Variants in MYT1L observed in about 807,000 individuals in gnomAD.
The protein encoded by MYT1L is myelin transcription factor 1 like, also known as myelin transcription factor 1-like protein.
A neutral mutation model predicts 126.7 loss-of-function variants in MYT1L; 12 were observed. The ratio of observed to expected loss-of-function variants is 0.09; its 90% CI spans 0.06 to 0.15. MYT1L has a LOEUF of 0.15. Ranked by LOEUF, MYT1L falls within the 10% of genes least tolerant of loss-of-function variation. MYT1L has a pLI of 1.00. For synonymous variants in MYT1L, 541 were observed against 604.2 expected (o/e 0.90, Z 1.53); for missense variants, 979 against 1,585.2 (o/e 0.62, Z 6.49).
chr2:1,806,830 C>T lies in MYT1L; in HGVS notation c.3172+2246G>A, dbSNP rs927650670. Among the ~76,000 whole-genome samples, 1 of 152,204 alleles carries T rather than the reference C, an allele frequency of 6.6e-6. No homozygotes were observed. Among genetic ancestry groups the T allele is most frequent in the Non-Finnish European group, 1.5e-5 (1 of 68,032 alleles). On this transcript the variant is annotated intron_variant, in intron 22 of 24. Coordinates refer to ENST00000647738, the MANE Select transcript of MYT1L (RefSeq NM_001303052.2). This position sits in a 1 kb window ranked among gnomAD's most constrained non-coding sequence, Gnocchi z 4.9. ...TTCCTTCATTAATGGGGAACAAAGG[C>T]ACGTGGACTCGGATCAATTGTCTAA...
chr2:2,170,214 C>G (rs2089823703), intron 3 of MYT1L, among the ~76,000 whole-genome samples: 1 of 152,208 alleles, frequency 6.6e-6, no homozygotes, highest in African/African-American at 2.4e-5. Context: ...GGGAACATCT[C>G]TCTTCCAAAA....
chr2:2,245,799 C>A (rs903096939), intron 2 of MYT1L, among the ~76,000 whole-genome samples: 2 of 152,176 alleles, frequency 1.3e-5, no homozygotes, highest in Non-Finnish European at 2.9e-5. Flanking sequence ...AATTCTGATC[C>A]ATTCTTCCAA....
intron 2 of MYT1L, among the ~76,000 whole-genome samples, chr2:2,191,259 G>T (rs1421180427): frequency 1.3e-5 from 2 of 152,192 alleles, no homozygotes; most frequent in African/African-American, 2.4e-5. Context: ...TGCCTGCTAG[G>T]ATCCCTCTTA....
chr2:1,994,384 C>T (rs1234449754), intron 5 of MYT1L, among the ~76,000 whole-genome samples: 3 of 151,534 alleles, frequency 2.0e-5, no homozygotes, highest in African/African-American at 7.3e-5. Context: ...CCTGCTCCCT[C>T]CTCCCAGCGA....
At chr2:1,857,756 A>C (rs1171921340) in intron 18 of MYT1L, among the ~76,000 whole-genome samples, 1 of 152,198 alleles carries the variant, frequency 6.6e-6, no homozygotes, top group Non-Finnish European at 1.5e-5. Flanking sequence ...TGGAAATTTC[A>C]ATTTTAAAAC....
intron 21 of MYT1L, among the ~76,000 whole-genome samples, chr2:1,830,506 C>G (rs536024686): frequency 1.3e-5 from 2 of 151,406 alleles, no homozygotes; most frequent in East Asian, 3.9e-4. Flanking sequence ...CCGAAGGGCT[C>G]ACAGGGAGAT....
intron 2 of MYT1L, among the ~76,000 whole-genome samples, chr2:2,281,510 C>G (rs557487520): frequency 6.6e-6 from 1 of 152,336 alleles, no homozygotes; most frequent in African/African-American, 2.4e-5. Context: ...TTCTTCCCAA[C>G]TAGCTCATGT....
chr2:1,845,748 T>C (rs73913442), intron 19 of MYT1L, among the ~76,000 whole-genome samples: 6,250 of 152,318 alleles, frequency 0.041, 423 homozygotes, highest in African/African-American at 0.14. Context: ...TACCCCCTTA[T>C]ACTGAATTCA....
intron 3 of MYT1L, among the ~76,000 whole-genome samples, chr2:2,146,465 G>A (rs535263903): frequency 5.4e-4 from 82 of 152,282 alleles, no homozygotes; most frequent in African/African-American, 1.9e-3. Flanking sequence ...GCGGAGGATG[G>A]AGCATCTGCA....
chr2:1,951,013 C>T (rs572875900), intron 8 of MYT1L, among the ~76,000 whole-genome samples: 1 of 152,150 alleles, frequency 6.6e-6, no homozygotes, highest in Admixed American at 6.5e-5. Flanking sequence ...AGGTAACTGG[C>T]AGGTGGAGGT....
chr2:2,185,384 TTG>T (rs2092002970), intron 2 of MYT1L, among the ~76,000 whole-genome samples: 1 of 152,226 alleles, frequency 6.6e-6, no homozygotes, highest in African/African-American at 2.4e-5. Context: ...TCACCACAAA[TTG>T]TGTGGCGTGC....
chr2:2,230,283 A>C (rs2094129551), intron 2 of MYT1L, among the ~76,000 whole-genome samples: 1 of 152,190 alleles, frequency 6.6e-6, no homozygotes, highest in Non-Finnish European at 1.5e-5. Context: ...TGCTCGGTGA[A>C]CTCATCCCTC....
rs942071633 is a variant in MYT1L at position 2,296,008 on chromosome 2, C to T, written c.-520-11505G>A. 1.1e-4 allele frequency among the ~76,000 whole-genome samples: 16 copies of T among 152,022 alleles called. No homozygotes were observed. In the East Asian group the frequency reaches 1.7e-3, roughly 16 times the overall value. ...AGAGAGAGATTCCAAAGGCTGGCAA[C>T]CCAAATACATACAATCAAGCAACCC... On this transcript the variant is annotated intron_variant, in intron 1 of 24. Coordinates refer to ENST00000647738, the MANE Select transcript of MYT1L (RefSeq NM_001303052.2).
intron 8 of MYT1L, among the ~76,000 whole-genome samples, chr2:1,959,317 A>C (rs1484988471): frequency 6.6e-6 from 1 of 152,126 alleles, no homozygotes; most frequent in East Asian, 1.9e-4. Flanking sequence ...CCAAACTCAG[A>C]CCGTCTGGAT....
intron 13 of MYT1L, among the ~76,000 whole-genome samples, chr2:1,904,280 C>T (rs898715090): frequency 2.0e-5 from 3 of 152,176 alleles, no homozygotes; most frequent in Admixed American, 1.3e-4. Context: ...CCCTCGACAG[C>T]TCCTCAGTCT....
Position 1,887,759 on chromosome 2 carries a change from C to A in MYT1L, c.2521-150G>T. On this transcript the variant is annotated intron_variant, in intron 16 of 24. Transcript: ENST00000647738. The surrounding 1 kb of genome is among the most constrained non-coding windows in gnomAD (Gnocchi z 4.8). The stretch of plus-strand genomic sequence containing the variant: ...CCTTTTGGTCCTGATAACGCCCCTA[C>A]TGAAAATGCATATTGAACTTTTCTT... The A allele has an allele frequency of 1.1e-6, 1 of 910,328 alleles. No homozygotes were observed. Among genetic ancestry groups the A allele is most frequent in the South Asian group, 1.6e-5 (1 of 62,530 alleles). The allele number at this position is 910,328 out of a possible 1,614,324, so 56.4% of individuals were successfully genotyped here.
At position 2,259,504 on chromosome 2, in the gene MYT1L, T is replaced by A. The variant is rs149554947; in HGVS notation, c.-421+24900A>T. Among the ~76,000 whole-genome samples the A allele has an allele frequency of 2.5e-3, 376 of 152,212 alleles. 1 individual carries two copies. Among genetic ancestry groups the A allele is most frequent in the African/African-American group, 8.8e-3 (365 of 41,504 alleles). ...TGTATATATATATCACATCATCACA[T>A]TGTGTATCTTAAATACATATAGTTT... On this transcript the variant is annotated intron_variant, in intron 2 of 24. Transcript: ENST00000647738.
intron 2 of MYT1L, among the ~76,000 whole-genome samples, chr2:2,241,076 T>C (rs1343289948): frequency 1.3e-5 from 2 of 152,224 alleles, no homozygotes; most frequent in Non-Finnish European, 2.9e-5. Flanking sequence ...CTTTTATTTA[T>C]TCTTGATATT....
intron 3 of MYT1L, among the ~76,000 whole-genome samples, chr2:2,167,305 T>G (rs2148491867): frequency 6.6e-6 from 1 of 152,264 alleles, no homozygotes; most frequent in East Asian, 1.9e-4. Context: ...TCTCCTCTGT[T>G]GGACGCAATG....
Sources: allele counts gnomAD v4.1 joint callset (sites outside exome capture counted in the v4.1 genomes callset), GRCh38; gene constraint gnomAD v4.1.1; non-coding constraint Gnocchi (gnomAD v3.1); transcripts MANE v1.5; gene names NCBI Gene and HGNC (gene_info 2026-07-23, HGNC 2026-07-21).